The following DCC variants were observed in gnomAD, a reference collection of about 807,000 sequenced individuals.
The protein encoded by DCC is DCC netrin 1 receptor.
A neutral mutation model predicts 172.5 loss-of-function variants in DCC; 58 were observed. That is an observed-to-expected ratio of 0.34 (90% CI 0.27 to 0.42). DCC has a LOEUF of 0.42. Among genes scored for constraint, DCC ranks in the 10% least tolerant of loss-of-function variants. The pLI is 1.00. For synonymous variants in DCC, 709 were observed against 644.5 expected (o/e 1.10, Z -1.52); for missense variants, 1,740 against 1,791.0 (o/e 0.97, Z 0.51).
intron 5 of DCC, among the ~76,000 whole-genome samples, chr18:52,931,263 C>T (rs912718156): frequency 1.3e-5 from 2 of 152,026 alleles, no homozygotes; most frequent in East Asian, 3.9e-4. Flanking sequence ...GAATTTATTG[C>T]CTTCTTAAAA....
intron 5 of DCC, among the ~76,000 whole-genome samples, chr18:53,006,133 A>T (rs1234181042): frequency 6.6e-6 from 1 of 152,188 alleles, no homozygotes; most frequent in African/African-American, 2.4e-5. Context: ...CATTTTCTTT[A>T]TGTTAATACA....
At chr18:53,350,446 G>T (rs2057778031) in intron 15 of DCC, among the ~76,000 whole-genome samples, 1 of 152,048 alleles carries the variant, frequency 6.6e-6, no homozygotes, top group South Asian at 2.1e-4. Context: ...TCCTTTCAGT[G>T]ATGCTTACTA....
At position 52,481,508 on chromosome 18, in the gene DCC, A is replaced by T. The variant is rs776123057; in HGVS notation, c.91+140630A>T. Among the ~76,000 whole-genome samples, 20 of 152,158 alleles carry T rather than the reference A, an allele frequency of 1.3e-4. 1 individual carries two copies. The highest frequency in any genetic ancestry group is 5.9e-5 in the Non-Finnish European group (4 of 68,014). On this transcript the variant is annotated intron_variant, in intron 1 of 28. Coordinates refer to ENST00000442544, the MANE Select transcript of DCC (RefSeq NM_005215.4). ...CGCAGATTTACTCTGATTTTGAGGC[A>T]AAGACTCAACACCAAAAAATGCATA...
intron 2 of DCC, among the ~76,000 whole-genome samples, chr18:52,870,996 A>G (rs962685296): frequency 2.0e-4 from 30 of 152,120 alleles, no homozygotes; most frequent in Admixed American, 4.6e-4. Context: ...CTGTTAATCT[A>G]TGACATAGGA....
At chr18:52,493,082 A>G (rs2030584662) in intron 1 of DCC, among the ~76,000 whole-genome samples, 2 of 152,100 alleles carry the variant, frequency 1.3e-5, no homozygotes, top group Non-Finnish European at 2.9e-5. Flanking sequence ...TAGAAGATAA[A>G]CCAAACCATA....
At position 52,774,925 on chromosome 18, in the gene DCC, G is replaced by A. The variant is rs573869971; in HGVS notation, c.412+22551G>A. Among the ~76,000 whole-genome samples the A allele has an allele frequency of 1.9e-4, 29 of 152,258 alleles. No homozygotes were observed. The South Asian group carries it at 3.5e-3, about 19-fold the overall frequency. ...AGCCTGTACCAAAACTCTTTACATT[G>A]TAAAGAAAGTGATAAGAGCCATTTC... On this transcript the variant is annotated intron_variant, in intron 2 of 28. Coordinates refer to ENST00000442544, the MANE Select transcript of DCC (RefSeq NM_005215.4).
rs540838116 is a variant in DCC, at chr18:53,379,005, G to A, written c.2360-7038G>A. On this transcript the variant is annotated intron_variant, in intron 15 of 28. Transcript: ENST00000442544. ...TACAAATGGCATCTTTCTCAAATAT[G>A]TGTTGCTCATCCTTTTAAGAGACCA... Among the ~76,000 whole-genome samples, 11 of 152,344 alleles carry A rather than the reference G, an allele frequency of 7.2e-5. 1 individual carries two copies. The South Asian group carries it at 2.3e-3, about 32-fold the overall frequency.
chr18:53,439,582 C>T (rs1912138140), intron 22 of DCC, among the ~76,000 whole-genome samples: 1 of 152,132 alleles, frequency 6.6e-6, no homozygotes, highest in South Asian at 2.1e-4. Context: ...TTTACTTTCT[C>T]TTACAGCGTG....
chr18:53,346,306 T>C (rs938702745), intron 15 of DCC, among the ~76,000 whole-genome samples: 1 of 152,210 alleles, frequency 6.6e-6, no homozygotes, highest in Non-Finnish European at 1.5e-5. Context: ...GTGTGTTTTA[T>C]GCTTATTAAA....
intron 21 of DCC, among the ~76,000 whole-genome samples, chr18:53,434,725 T>A (rs1202270325): frequency 6.6e-6 from 1 of 152,174 alleles, no homozygotes; most frequent in African/African-American, 2.4e-5. Context: ...CCTTGTAGGA[T>A]AACAATAATT....
At chr18:52,724,729 G>GCTGT (rs1317979997) in intron 1 of DCC, among the ~76,000 whole-genome samples, 1 of 152,130 alleles carries the variant, frequency 6.6e-6, no homozygotes, top group Non-Finnish European at 1.5e-5. Context: ...TGAAGCAAAG[G>GCTGT]CTGTCTTTCA....
chr18:52,595,612 G>A (rs1018812034), intron 1 of DCC, among the ~76,000 whole-genome samples: 1 of 152,112 alleles, frequency 6.6e-6, no homozygotes, highest in Non-Finnish European at 1.5e-5. Flanking sequence ...CCCTTCACTT[G>A]GGGATTTAGC....
At chr18:53,161,962 A>G (rs907712522) in intron 8 of DCC, among the ~76,000 whole-genome samples, 1 of 152,170 alleles carries the variant, frequency 6.6e-6, no homozygotes, top group Non-Finnish European at 1.5e-5. Flanking sequence ...CTAGTTTTAT[A>G]TTGTTTAAAT....
chr18:52,709,869 C>A (rs959221497), intron 1 of DCC, among the ~76,000 whole-genome samples: 3 of 152,010 alleles, frequency 2.0e-5, no homozygotes, highest in South Asian at 4.1e-4. Context: ...AGTGAATAAG[C>A]AAATTAATAA....
At chr18:53,364,975 A>G (rs1301549953) in intron 15 of DCC, among the ~76,000 whole-genome samples, 4 of 151,446 alleles carry the variant, frequency 2.6e-5, no homozygotes, top group Admixed American at 1.3e-4. Context: ...TCAGCAAACT[A>G]TCTCTGAATT....
chr18:53,084,655 C>A (rs1027796959), intron 7 of DCC, among the ~76,000 whole-genome samples: 6 of 152,074 alleles, frequency 3.9e-5, no homozygotes, highest in African/African-American at 1.4e-4. Context: ...TGGACAGCCT[C>A]TTTAAGTAGG....
At chr18:52,701,765 G>A (rs547684021) in intron 1 of DCC, among the ~76,000 whole-genome samples, 2 of 152,024 alleles carry the variant, frequency 1.3e-5, no homozygotes, top group African/African-American at 2.4e-5. Context: ...CCAATGCATC[G>A]TTCTTCTTTG....
chr18:52,909,894 T>C (rs2039945066), intron 3 of DCC, among the ~76,000 whole-genome samples: 2 of 151,986 alleles, frequency 1.3e-5, no homozygotes, highest in Admixed American at 1.3e-4. Context: ...ATAAGAGCAA[T>C]ACCAACAAGT....
chr18:52,518,255 C>G (rs2031700809), intron 1 of DCC, among the ~76,000 whole-genome samples: 1 of 152,098 alleles, frequency 6.6e-6, no homozygotes, highest in Non-Finnish European at 1.5e-5. Context: ...TGAATGAGCC[C>G]TCTAGGTCTG....
Sources: allele counts gnomAD v4.1 joint callset (sites outside exome capture counted in the v4.1 genomes callset), GRCh38; gene constraint gnomAD v4.1.1; transcripts MANE v1.5; gene names NCBI Gene and HGNC (gene_info 2026-07-23, HGNC 2026-07-21).